DOCK8: variants seen among roughly 807,000 people sequenced by gnomAD.
DOCK8 encodes the protein dedicator of cytokinesis 8.
Under a neutral mutation model 245.6 loss-of-function variants are expected in DOCK8, and 141 were observed. That is an observed-to-expected ratio of 0.57 (90% CI 0.50 to 0.66). The LOEUF is 0.66. DOCK8 is among the 30% of genes least tolerant of loss of function. The pLI, the probability that DOCK8 is intolerant of heterozygous loss-of-function variation, is 0.00. For synonymous variants in DOCK8, 1,168 were observed against 970.2 expected (o/e 1.20, Z -3.79); for missense variants, 2,965 against 2,603.4 (o/e 1.14, Z -3.02).
At chr9:450,169 G>C (rs2057382655) in intron 45 of DOCK8, among the ~76,000 whole-genome samples, 1 of 152,178 alleles carries the variant, frequency 6.6e-6, no homozygotes, top group Non-Finnish European at 1.5e-5. Context: ...GCTTTAAGGA[G>C]TACCACTTTC....
At chr9:463,808 G>A in intron 47 of DOCK8, 121 bp downstream of exon 47, 1 of 1,198,078 alleles carries the variant, frequency 8.3e-7, no homozygotes, top group South Asian at 1.3e-5. Context: ...GGTGGAAGAG[G>A]GTCCCACAGT....
intron 24 of DOCK8, among the ~76,000 whole-genome samples, chr9:394,693 G>T (rs2054364015): frequency 6.6e-6 from 1 of 152,236 alleles, no homozygotes; most frequent in South Asian, 2.1e-4. Flanking sequence ...CTCAGGACAT[G>T]AAGTTCCACA....
intron 30 of DOCK8, among the ~76,000 whole-genome samples, chr9:419,046 C>G (rs2056161303): frequency 6.6e-6 from 1 of 152,148 alleles, no homozygotes; most frequent in African/African-American, 2.4e-5. Flanking sequence ...GGGAATGTAT[C>G]CTCTGATTCA....
intron 46 of DOCK8, among the ~76,000 whole-genome samples, chr9:455,108 CTGGCTGGGCTGCTGCAT>C (rs1343031139): frequency 2.0e-5 from 3 of 152,210 alleles, no homozygotes; most frequent in African/African-American, 7.2e-5. Flanking sequence ...TTTCTCCCCA[CTGGCTGGGCTGCTGCAT>C]TGTTCTAGGA....
intron 44 of DOCK8, among the ~76,000 whole-genome samples, chr9:447,183 C>A (rs938761849): frequency 1.3e-5 from 2 of 152,142 alleles, no homozygotes; most frequent in African/African-American, 4.8e-5. Flanking sequence ...AAGTACAGTA[C>A]AAGATTATAC....
intron 9 of DOCK8, among the ~76,000 whole-genome samples, chr9:331,584 G>T (rs1489083447): frequency 6.6e-6 from 1 of 152,154 alleles, no homozygotes; most frequent in Admixed American, 6.5e-5. Flanking sequence ...AAATCCACTG[G>T]TTTTACTCTT....
In DOCK8 at chr9:452,093, T is replaced by A; in HGVS notation, c.6044T>A (p.Leu2015Ter). 6.2e-7 allele frequency: 1 copy of A among 1,612,048 alleles called. No individual in the cohort carries two copies. Among genetic ancestry groups the A allele is most frequent in the Non-Finnish European group, 8.5e-7 (1 of 1,178,958 alleles). Reference protein sequence around the residue: ...KLYRHHNKLRLCFKEFIMRCG... With the variant: ...KLYRHHNKLR ...TATCGACATCACAACAAGTTGAGGT[T>A]ATGCTTTAAGGAATTCATCATGAGG... The change falls in exon 46 of 48, where the codon TTA (leucine) becomes TAA (stop). Residue 2015 changes from leucine (L) to a stop codon, truncating the protein, a stop_gained. Coordinates refer to ENST00000432829, the MANE Select transcript of DOCK8 (RefSeq NM_203447.4). LOFTEE classifies it high-confidence loss of function.
At chr9:429,983 A>G in intron 36 of DOCK8, 129 bp downstream of exon 36, 7 of 1,145,484 alleles carry the variant, frequency 6.1e-6, no homozygotes, top group Non-Finnish European at 8.9e-6. Context: ...GAAAGAAACA[A>G]TTGAGTATGT....
intron 2 of DOCK8, among the ~76,000 whole-genome samples, chr9:273,536 G>C (rs528245373): frequency 2.9e-4 from 44 of 152,278 alleles, no homozygotes; most frequent in Non-Finnish European, 5.1e-4. Flanking sequence ...ACAAGGTAGA[G>C]GGTTTAGTGC....
intron 1 of DOCK8, among the ~76,000 whole-genome samples, chr9:230,950 G>A (rs930730174): frequency 2.0e-5 from 3 of 151,872 alleles, no homozygotes; most frequent in African/African-American, 7.3e-5. Context: ...CATTGCTTTT[G>A]GTGTTTTAGA....
Position 418,065 on chromosome 9 carries a change from C to T in DOCK8, c.3701-3C>T, listed in dbSNP as rs763479436. ...GACATCACAAACGATGTTTTCATTG[C>T]AGTTGCAGATACTCGCAGATACCGC... is the stretch of plus-strand genomic sequence containing the variant. On this transcript the variant is annotated splice_polypyrimidine_tract_variant and splice_region_variant and intron_variant, in intron 29 of 47. Coordinates refer to ENST00000432829, the MANE Select transcript of DOCK8 (RefSeq NM_203447.4). 6 of 1,614,056 alleles carry T rather than the reference C, an allele frequency of 3.7e-6. No homozygotes were observed. In the African/African-American group the frequency reaches 6.7e-5, roughly 18 times the overall value.
intron 1 of DOCK8, among the ~76,000 whole-genome samples, chr9:224,694 G>A (rs2046954570): frequency 6.6e-6 from 1 of 152,088 alleles, no homozygotes; most frequent in Non-Finnish European, 1.5e-5. Flanking sequence ...TAGAGAAGTT[G>A]GGCTGTCCTC....
chr9:438,860 G>A (rs145071430), intron 39 of DOCK8, among the ~76,000 whole-genome samples: 6 of 152,204 alleles, frequency 3.9e-5, no homozygotes, highest in African/African-American at 9.7e-5. Flanking sequence ...ACCACTGTAA[G>A]TCAGAGGTCC....
chr9:284,037 A>G (rs572072019), intron 2 of DOCK8, among the ~76,000 whole-genome samples: 1 of 152,350 alleles, frequency 6.6e-6, no homozygotes, highest in Admixed American at 6.5e-5. Flanking sequence ...AATAATTATT[A>G]CTTAAATGGG....
intron 13 of DOCK8, among the ~76,000 whole-genome samples, chr9:339,877 T>TA (rs1195742927): frequency 6.6e-6 from 1 of 152,204 alleles, no homozygotes; most frequent in Non-Finnish European, 1.5e-5. Context: ...CTTAACAATG[T>TA]AAAATTATAC....
At chr9:406,384 C>T (rs774922114) in intron 27 of DOCK8, among the ~76,000 whole-genome samples, 2 of 151,210 alleles carry the variant, frequency 1.3e-5, no homozygotes, top group South Asian at 2.1e-4. Flanking sequence ...CTACTTGGGA[C>T]GCTGAGGCAT....
At chr9:437,337 T>A (rs2056937965) in intron 39 of DOCK8, among the ~76,000 whole-genome samples, 2 of 152,182 alleles carry the variant, frequency 1.3e-5, no homozygotes, top group Admixed American at 1.3e-4. Flanking sequence ...TAGGTTTACA[T>A]CTCTAGGTTC....
At chr9:377,903 G>T (rs1438492121) in intron 20 of DOCK8, among the ~76,000 whole-genome samples, 3 of 152,188 alleles carry the variant, frequency 2.0e-5, no homozygotes, top group Admixed American at 6.5e-5. Context: ...CATGACCAGA[G>T]TCCAGTGGTT....
intron 1 of DOCK8, among the ~76,000 whole-genome samples, chr9:237,095 C>T (rs901785631): frequency 6.6e-6 from 1 of 152,212 alleles, no homozygotes; most frequent in Non-Finnish European, 1.5e-5. Flanking sequence ...TTCTGTGCCA[C>T]AAAAGCCCAG....
Sources: allele counts gnomAD v4.1 joint callset (sites outside exome capture counted in the v4.1 genomes callset), GRCh38; gene constraint gnomAD v4.1.1; transcripts MANE v1.5; gene names NCBI Gene and HGNC (gene_info 2026-07-23, HGNC 2026-07-21).